The following ARID4A variants were observed in gnomAD, a reference collection of about 807,000 sequenced individuals.
ARID4A encodes AT-rich interaction domain 4A, also known as AT-rich interactive domain-containing protein 4A.
A neutral mutation model predicts 148.6 loss-of-function variants in ARID4A; 39 were observed. The observed-to-expected ratio is 0.26, with a 90% CI of 0.20 to 0.34. The LOEUF (loss-of-function observed/expected upper bound fraction) is 0.34. Among genes scored for constraint, ARID4A ranks in the 10% least tolerant of loss-of-function variants. The pLI is 1.00. For missense variants in ARID4A, 1,265 were observed against 1,449.1 expected (o/e 0.87, Z 2.06); for synonymous variants, 475 against 481.2 (o/e 0.99, Z 0.17).
intron 5 of ARID4A, among the ~76,000 whole-genome samples, chr14:58,316,998 C>A (rs1222234342): frequency 1.3e-5 from 2 of 151,392 alleles, no homozygotes; most frequent in Non-Finnish European, 2.9e-5. Flanking sequence ...GGAGACCATC[C>A]TGGCTAACAT....
chr14:58,359,572 C>T (rs1265173006), intron 18 of ARID4A, among the ~76,000 whole-genome samples: 2 of 152,016 alleles, frequency 1.3e-5, no homozygotes, highest in South Asian at 2.1e-4. Context: ...GCTTTACTGC[C>T]CTAAAAATCC....
At position 58,321,680 on chromosome 14, in the gene ARID4A, A is replaced by G. The variant is rs530222278; in HGVS notation, c.450-1805A>G. Among the ~76,000 whole-genome samples, 6 of 152,252 alleles carry G rather than the reference A, an allele frequency of 3.9e-5. No individual in the cohort carries two copies. In the South Asian group the frequency reaches 1.0e-3, roughly 26 times the overall value. Reference sequence around the variant, plus strand: ...GTATATAATGAGTATTTTTAAAGGCAAAGTCAGATAACACCTAAGCTGCAA... The same window carrying G: ...GTATATAATGAGTATTTTTAAAGGCGAAGTCAGATAACACCTAAGCTGCAA... On this transcript the variant is annotated intron_variant, in intron 7 of 23. Transcript: ENST00000355431.
intron 16 of ARID4A, among the ~76,000 whole-genome samples, chr14:58,352,467 TATA>T (rs1338756154): frequency 6.6e-6 from 1 of 152,178 alleles, no homozygotes; most frequent in East Asian, 1.9e-4. Flanking sequence ...ATATAAAACA[TATA>T]ATACATCTAT....
At position 58,330,189 on chromosome 14, in the gene ARID4A, T is replaced by C. The variant is rs541089096; in HGVS notation, c.906+20T>C. ...GAGGTGGTAGGTGTAATTTCATGTT[T>C]GTAACAAAAACATCTTAATACTCTC... is the stretch of plus-strand genomic sequence containing the variant. On this transcript the variant is annotated intron_variant, in intron 11 of 23. Transcript: ENST00000355431. The C allele has an allele frequency of 4.3e-5, 69 of 1,601,716 alleles. No individual in the cohort carries two copies. The South Asian group carries it at 7.7e-4, about 18-fold the overall frequency.
At chr14:58,315,690 T>G (rs1225576891) in intron 5 of ARID4A, among the ~76,000 whole-genome samples, 1 of 152,338 alleles carries the variant, frequency 6.6e-6, no homozygotes, top group East Asian at 1.9e-4. Context: ...TTAAAAACTT[T>G]AAGAGAACAG....
At position 58,369,393 on chromosome 14, in the gene ARID4A, AG is replaced by A. The variant is rs796896940; in HGVS notation, c.3670+2366del. ...GTAATCCCAGCATTTTGGGAGGCAGAGGCAGGCAGATCACTGGAGGCCAGGA... is the reference window on the plus strand; with the variant it reads ...GTAATCCCAGCATTTTGGGAGGCAGAGCAGGCAGATCACTGGAGGCCAGGA... On this transcript the variant is annotated intron_variant, in intron 23 of 23. Coordinates refer to ENST00000355431, the MANE Select transcript of ARID4A (RefSeq NM_002892.4). Among the ~76,000 whole-genome samples the A allele has an allele frequency of 3.3e-5, 5 of 152,256 alleles. 1 individual carries two copies. Among genetic ancestry groups the A allele is most frequent in the African/African-American group, 1.2e-4 (5 of 41,558 alleles).
intron 5 of ARID4A, among the ~76,000 whole-genome samples, chr14:58,307,112 C>A (rs186052402): frequency 6.6e-6 from 1 of 152,342 alleles, no homozygotes; most frequent in Admixed American, 6.5e-5. Flanking sequence ...AATCTCCTCT[C>A]AGTACTTTCA....
At position 58,322,980 on chromosome 14, in the gene ARID4A, A is replaced by AAAAAT. The variant is rs1255021613; in HGVS notation, c.450-504_450-503insAAATA. Among the ~76,000 whole-genome samples, 184 of 114,224 alleles carry AAAAAT rather than the reference A, an allele frequency of 1.6e-3. 1 individual carries two copies. The highest frequency in any genetic ancestry group is 1.7e-3 in the South Asian group (6 of 3,550). 74.9% of individuals were successfully genotyped at this position (114,224 alleles called of 152,430 possible). A position where few individuals can be genotyped will look rare whatever the true frequency, so the allele number is the denominator to read the frequency against. On this transcript the variant is annotated intron_variant, in intron 7 of 23. Coordinates refer to ENST00000355431, the MANE Select transcript of ARID4A (RefSeq NM_002892.4). Reference sequence around the variant, plus strand: ...TCCATTTCCAAAAAAAAAAAAAAAAAATATATATATATATATATATATATG... The same window carrying AAAAAT: ...TCCATTTCCAAAAAAAAAAAAAAAAAAAAATATATATATATATATATATATATATG...
chr14:58,367,821 A>G (rs1444027958), intron 23 of ARID4A, among the ~76,000 whole-genome samples: 1 of 152,194 alleles, frequency 6.6e-6, no homozygotes, highest in African/African-American at 2.4e-5. Flanking sequence ...TGTCAACAGT[A>G]TATCTTTTGG....
chr14:58,311,400 C>G (rs930227780), intron 5 of ARID4A, among the ~76,000 whole-genome samples: 7 of 152,160 alleles, frequency 4.6e-5, no homozygotes, highest in Admixed American at 2.0e-4. Context: ...TTACCTCACA[C>G]CTGCTAGAAT....
chr14:58,320,689 G>T (rs998534402), intron 7 of ARID4A, among the ~76,000 whole-genome samples: 5 of 148,838 alleles, frequency 3.4e-5, no homozygotes, highest in Non-Finnish European at 7.4e-5. Context: ...CTCACTGCAA[G>T]CTCCACCTCC....
At chr14:58,313,914 TGA>T (rs2032229662) in intron 5 of ARID4A, among the ~76,000 whole-genome samples, 3 of 151,238 alleles carry the variant, frequency 2.0e-5, no homozygotes, top group Admixed American at 2.0e-4. Flanking sequence ...TTGCCCACAG[TGA>T]GAGTGAATCT....
chr14:58,372,968 C>T lies in ARID4A; in HGVS notation c.*979C>T, dbSNP rs1416177216. 1 of 190,234 alleles carries T rather than the reference C, an allele frequency of 5.3e-6. No homozygotes were observed. The highest frequency in any genetic ancestry group is 1.1e-5 in the Non-Finnish European group (1 of 90,788). The allele number at this position is 190,234 out of a possible 1,614,324, so 11.8% of individuals were successfully genotyped here. A position where few individuals can be genotyped will look rare whatever the true frequency, so the allele number is the denominator to read the frequency against. ...ATTCACTCTTTGGATGACAATAGCT[C>T]TCAGCTGTCCTTTTTACAGGAGGTT... On this transcript the variant is annotated 3_prime_UTR_variant, in exon 24 of 24. Transcript: ENST00000355431.
chr14:58,327,767 G>C (rs1447127462), intron 8 of ARID4A, among the ~76,000 whole-genome samples: 7 of 151,990 alleles, frequency 4.6e-5, no homozygotes, highest in Admixed American at 1.3e-4. Context: ...CACCTCCTGG[G>C]CTCAAGTGAT....
chr14:58,365,330 T>G, intron 20 of ARID4A, 30 bp downstream of exon 20: 1 of 1,565,184 alleles, frequency 6.4e-7, no homozygotes, highest in Non-Finnish European at 8.6e-7. Context: ...AAGTAAGTGT[T>G]TATATGAAAC....
intron 19 of ARID4A, among the ~76,000 whole-genome samples, chr14:58,361,782 A>G (rs922050273): frequency 6.6e-6 from 1 of 152,174 alleles, no homozygotes; most frequent in African/African-American, 2.4e-5. Context: ...AATGTGTCCC[A>G]TGAGGTCAGG....
intron 4 of ARID4A, among the ~76,000 whole-genome samples, chr14:58,305,419 A>G (rs2031527295): frequency 6.6e-6 from 1 of 152,108 alleles, no homozygotes; most frequent in South Asian, 2.1e-4. Flanking sequence ...TTTAATGAAT[A>G]CCTAGATTAT....
intron 1 of ARID4A, chr14:58,299,532 T>G (rs1488877249): frequency 2.2e-6 from 1 of 464,938 alleles, no homozygotes; most frequent in African/African-American, 2.0e-5. Flanking sequence ...AGCTCCGAGT[T>G]GAGCATTCCG....
intron 12 of ARID4A, among the ~76,000 whole-genome samples, 186 bp downstream of exon 12, chr14:58,344,953 G>T (rs1022058004): frequency 1.3e-5 from 2 of 152,082 alleles, no homozygotes; most frequent in Non-Finnish European, 2.9e-5. Context: ...GCTTACTGCA[G>T]CCTTGACCTC....
Sources: gnomAD v4.1 joint callset for allele counts (sites outside exome capture counted in the v4.1 genomes callset) on GRCh38, gnomAD v4.1.1 for gene constraint, MANE v1.5 for transcripts, NCBI Gene and HGNC (gene_info 2026-07-23, HGNC 2026-07-21) for gene names.